Variants in MORN1 observed in about 807,000 individuals in gnomAD.
MORN1 encodes the protein MORN repeat-containing protein 1.
Under a neutral mutation model 61.9 loss-of-function variants are expected in MORN1, and 67 were observed. That is an observed-to-expected ratio of 1.08 (90% CI 0.89 to 1.33). MORN1 has a LOEUF of 1.33. MORN1 is among the 40% of genes most tolerant of loss of function. MORN1 has a pLI of 0.00. For synonymous variants in MORN1, 301 were observed against 292.0 expected, an observed-to-expected ratio of 1.03 and a Z score of -0.31; for missense variants, 752 against 691.2, an observed-to-expected ratio of 1.09 and a Z score of -0.99.
chr1:2,342,493 A>G (rs1300249199), intron 10 of MORN1, among the ~76,000 whole-genome samples: 1 of 152,276 alleles, frequency 6.6e-6, no homozygotes, highest in Non-Finnish European at 1.5e-5. Context: ...TTAGTCTTTA[A>G]GAGTCCATCA....
At chr1:2,331,545 G>A (rs1029761100) in intron 12 of MORN1, among the ~76,000 whole-genome samples, 9 of 152,166 alleles carry the variant, frequency 5.9e-5, no homozygotes, top group African/African-American at 1.9e-4. Flanking sequence ...GGAGGGCTTC[G>A]CAGGGTCAGA....
chr1:2,360,227 CA>C (rs1348392025), intron 8 of MORN1, among the ~76,000 whole-genome samples: 1 of 152,160 alleles, frequency 6.6e-6, no homozygotes, highest in Non-Finnish European at 1.5e-5. Context: ...TAAGATCTGG[CA>C]AAGGAGACAC....
At position 2,325,136 on chromosome 1, in the gene MORN1, C is replaced by CTTCCT. The variant is rs112563477; in HGVS notation, c.1251-994_1251-993insAGGAA. ...TCCCTTCCTTCCCTTCCTTCCTTCCCTCCCTCCCTCCCTTCCTTCCCTCCC... is the reference window on the plus strand; with the variant it reads ...TCCCTTCCTTCCCTTCCTTCCTTCCCTTCCTTCCCTCCCTCCCTTCCTTCCCTCCC... On this transcript the variant is annotated intron_variant, in intron 12 of 13. Coordinates refer to ENST00000378531, the MANE Select transcript of MORN1 (RefSeq NM_024848.3). Among the ~76,000 whole-genome samples the CTTCCT allele has an allele frequency of 1.0e-2, 53 of 5,306 alleles. 5 individuals carry two copies. Among genetic ancestry groups the CTTCCT allele is most frequent in the African/African-American group, 0.032 (42 of 1,302 alleles). 3.5% of individuals were successfully genotyped at this position (5,306 alleles called of 152,430 possible).
At chr1:2,333,007 C>A (rs1301766984) in intron 12 of MORN1, among the ~76,000 whole-genome samples, 1 of 152,204 alleles carries the variant, frequency 6.6e-6, no homozygotes, top group Non-Finnish European at 1.5e-5. Context: ...ACGGGTCCCC[C>A]AAGGGGCTTG....
At chr1:2,370,021 C>A (rs887456688) in intron 8 of MORN1, among the ~76,000 whole-genome samples, 4 of 152,162 alleles carry the variant, frequency 2.6e-5, no homozygotes, top group African/African-American at 7.2e-5. Flanking sequence ...ATGTAAAGGT[C>A]CCAGCAGAGT....
chr1:2,374,309 T>A (rs1642186985), intron 7 of MORN1, 152 bp downstream of exon 7: 1 of 647,866 alleles, frequency 1.5e-6, no homozygotes, highest in Non-Finnish European at 2.7e-6. Context: ...TAGAACATGT[T>A]TTTCCTTAAA....
rs1641807587 is a variant in MORN1, at chr1:2,357,795, A to G, written c.870-197T>C. 6.6e-6 allele frequency among the ~76,000 whole-genome samples: 1 copy of G among 152,200 alleles called. No individual in the cohort carries two copies. The highest frequency in any genetic ancestry group is 2.4e-5 in the African/African-American group (1 of 41,448). ...AGAGAAAAAAGACTCGCCAGGGAGA[A>G]GACAGCAGGTCTTGGCTTGAAGGAA... On this transcript the variant is annotated intron_variant, in intron 9 of 13. Transcript: ENST00000378531. The surrounding 1 kb of genome is among the most constrained non-coding windows in gnomAD (Gnocchi z 6.3).
intron 8 of MORN1, among the ~76,000 whole-genome samples, chr1:2,366,808 T>A (rs1187869739): frequency 6.6e-6 from 1 of 152,120 alleles, no homozygotes; most frequent in Non-Finnish European, 1.5e-5. Flanking sequence ...AATGCTAGGA[T>A]GACAGGTATG....
chr1:2,361,615 T>C (rs1310842895), intron 8 of MORN1, among the ~76,000 whole-genome samples: 2 of 151,924 alleles, frequency 1.3e-5, no homozygotes, highest in Non-Finnish European at 2.9e-5. Flanking sequence ...CTTCTGGAGA[T>C]GAAAATTATA....
At chr1:2,347,902 G>A (rs1422787629) in intron 10 of MORN1, among the ~76,000 whole-genome samples, 1 of 152,244 alleles carries the variant, frequency 6.6e-6, no homozygotes, top group Non-Finnish European at 1.5e-5. Context: ...CCATCTGAAA[G>A]TCCGCTGCTG....
At position 2,347,282 on chromosome 1, in the gene MORN1, C is replaced by T. The variant is rs1264059622; in HGVS notation, c.1036+10150G>A. 3.9e-5 allele frequency among the ~76,000 whole-genome samples: 6 copies of T among 152,190 alleles called. No individual in the cohort carries two copies. The South Asian group carries it at 6.2e-4, about 16-fold the overall frequency. On this transcript the variant is annotated intron_variant, in intron 10 of 13. Transcript: ENST00000378531. ...CTGCGACTGTGTGCCAGTGCCAAAG[C>T]GCCTCTAGAAAGGAAAGAATCTAAT...
At chr1:2,353,490 T>C (rs1252815842) in intron 10 of MORN1, among the ~76,000 whole-genome samples, 1 of 152,212 alleles carries the variant, frequency 6.6e-6, no homozygotes, top group Non-Finnish European at 1.5e-5. Context: ...CTCGGGGTGA[T>C]GCTGGTGGGT....
At chr1:2,331,571 A>G (rs1641148480) in intron 12 of MORN1, among the ~76,000 whole-genome samples, 1 of 151,948 alleles carries the variant, frequency 6.6e-6, no homozygotes, top group Non-Finnish European at 1.5e-5. Flanking sequence ...CCTGAGGGGG[A>G]CCTGGTGGCC....
At chr1:2,336,006 T>C (rs1488702828) in intron 12 of MORN1, among the ~76,000 whole-genome samples, 1 of 152,130 alleles carries the variant, frequency 6.6e-6, no homozygotes, top group African/African-American at 2.4e-5. Context: ...TGGTGAGATG[T>C]GACGGCCACA....
intron 10 of MORN1, among the ~76,000 whole-genome samples, chr1:2,356,996 C>T (rs895214931): frequency 1.5e-4 from 23 of 152,152 alleles, no homozygotes; most frequent in East Asian, 5.8e-4. Context: ...AGCGGAGCAG[C>T]GGGAAACCCT....
rs528944237 is a variant in MORN1 at position 2,334,786 on chromosome 1, A to C, written c.1250+1683T>G. Among the ~76,000 whole-genome samples, 1 of 152,368 alleles carries C rather than the reference A, an allele frequency of 6.6e-6. No homozygotes were observed. The highest frequency in any genetic ancestry group is 6.5e-5 in the Admixed American group (1 of 15,308). ...TGGCTGGGAGGCCCAGGCTGGGAGCAGACGCCGACCCCTCCGTTCTCTCAG... is the reference window on the plus strand; with the variant it reads ...TGGCTGGGAGGCCCAGGCTGGGAGCCGACGCCGACCCCTCCGTTCTCTCAG... On this transcript the variant is annotated intron_variant, in intron 12 of 13. Coordinates refer to ENST00000378531, the MANE Select transcript of MORN1 (RefSeq NM_024848.3). This position sits in a 1 kb window ranked among gnomAD's most constrained non-coding sequence, Gnocchi z 5.4.
At chr1:2,323,261 C>T (rs765768841) in intron 13 of MORN1, 31 of 985,278 alleles carry the variant, frequency 3.1e-5, no homozygotes, top group African/African-American at 8.7e-5. Flanking sequence ...ACACGGGTGC[C>T]GTCCCCACGA....
chr1:2,325,596 C>T (rs1641010439), intron 12 of MORN1, among the ~76,000 whole-genome samples: 1 of 151,388 alleles, frequency 6.6e-6, no homozygotes, highest in Non-Finnish European at 1.5e-5. Context: ...AATCCTTCCA[C>T]CTCCGCCTCC....
chr1:2,352,005 C>T (rs1033419858), intron 10 of MORN1: 2 of 522,220 alleles, frequency 3.8e-6, no homozygotes, highest in South Asian at 3.6e-5. Flanking sequence ...GAGACCCCCT[C>T]CACCAGGAAT....
Sources: gnomAD v4.1 joint callset for allele counts (sites outside exome capture counted in the v4.1 genomes callset) on GRCh38, gnomAD v4.1.1 for gene constraint, Gnocchi (gnomAD v3.1) non-coding constraint, MANE v1.5 for transcripts, NCBI Gene and HGNC (gene_info 2026-07-23, HGNC 2026-07-21) for gene names.